Variants in PKHD1 observed in about 807,000 individuals in gnomAD.
The protein encoded by PKHD1 is PKHD1 ciliary IPT domain containing fibrocystin/polyductin.
In PKHD1, 291 loss-of-function variants were observed where a neutral mutation model predicts 412.0. The ratio of observed to expected loss-of-function variants is 0.71; its 90% CI spans 0.64 to 0.78. PKHD1 has a LOEUF of 0.78. PKHD1 is among the 30% of genes least tolerant of loss of function. PKHD1 has a pLI of 0.00. For synonymous variants in PKHD1, 1,777 were observed against 1,821.5 expected (o/e 0.98, Z 0.62); for missense variants, 4,825 against 4,950.7 (o/e 0.97, Z 0.76).
intron 62 of PKHD1, 82 bp downstream of exon 62, chr6:51,649,003 A>G (rs1286526162): frequency 4.5e-6 from 6 of 1,321,528 alleles, no homozygotes; most frequent in South Asian, 1.2e-5. Context: ...ATGTGTATCA[A>G]TGATGACACA....
chr6:51,656,083 G>A (rs1002337455), intron 61 of PKHD1, among the ~76,000 whole-genome samples: 3 of 152,054 alleles, frequency 2.0e-5, no homozygotes, highest in Non-Finnish European at 4.4e-5. Context: ...CAAAGACTTG[G>A]AACCAACCCA....
chr6:51,912,310 T>A (rs968517749), intron 38 of PKHD1, 56 bp downstream of exon 38: 9 of 1,088,948 alleles, frequency 8.3e-6, no homozygotes, highest in Non-Finnish European at 1.3e-5. Flanking sequence ...CAGACCCCAA[T>A]ACAGTTAAGA....
At chr6:52,068,939 A>C (rs927237508) in intron 11 of PKHD1, among the ~76,000 whole-genome samples, 1 of 152,218 alleles carries the variant, frequency 6.6e-6, no homozygotes, top group African/African-American at 2.4e-5. Context: ...ATTCCATTCT[A>C]GAATCTAAGT....
chr6:51,698,026 G>A (rs977875452), intron 60 of PKHD1, among the ~76,000 whole-genome samples: 1 of 152,158 alleles, frequency 6.6e-6, no homozygotes, highest in Admixed American at 6.5e-5. Flanking sequence ...CTTTCTTAAC[G>A]AATCAAGTCA....
At chr6:51,621,415 T>A (rs1766601886) in intron 66 of PKHD1, among the ~76,000 whole-genome samples, 1 of 152,188 alleles carries the variant, frequency 6.6e-6, no homozygotes. Flanking sequence ...TGAATTTTAA[T>A]CCCTTGGTAA....
chr6:51,737,788 A>G (rs1784046161), intron 60 of PKHD1, among the ~76,000 whole-genome samples: 1 of 151,900 alleles, frequency 6.6e-6, no homozygotes, highest in Admixed American at 6.6e-5. Flanking sequence ...ACATCTATTG[A>G]TTCAAAATCT....
chr6:51,704,464 CTG>C (rs759895666), intron 60 of PKHD1, among the ~76,000 whole-genome samples: 1 of 152,022 alleles, frequency 6.6e-6, no homozygotes, highest in Non-Finnish European at 1.5e-5. Context: ...TTTCTGTAGA[CTG>C]TGGAATTATA....
intron 35 of PKHD1, among the ~76,000 whole-genome samples, chr6:51,975,213 G>A (rs1395287911): frequency 1.3e-5 from 2 of 151,994 alleles, no homozygotes; most frequent in Non-Finnish European, 2.9e-5. Flanking sequence ...TTACTTAGGA[G>A]AAATATTAAT....
intron 31 of PKHD1, 59 bp from the exon 32 acceptor site, chr6:52,026,240 T>C (rs1188295827): frequency 2.7e-6 from 4 of 1,508,820 alleles, no homozygotes; most frequent in African/African-American, 1.4e-5. Flanking sequence ...TAAGAATTCA[T>C]AGCACCTGTG....
At chr6:51,738,277 T>C (rs1018452425) in intron 60 of PKHD1, among the ~76,000 whole-genome samples, 2 of 152,108 alleles carry the variant, frequency 1.3e-5, no homozygotes, top group Non-Finnish European at 2.9e-5. Flanking sequence ...CCACCTTTCT[T>C]AAAATCTCCC....
chr6:51,914,002 T>G (rs115749365), intron 37 of PKHD1, among the ~76,000 whole-genome samples: 2 of 152,262 alleles, frequency 1.3e-5, no homozygotes, highest in Non-Finnish European at 2.9e-5. Context: ...TATATGCATA[T>G]ATATGTGAAT....
chr6:51,857,738 C>T (rs1339926977), intron 48 of PKHD1, among the ~76,000 whole-genome samples: 9 of 152,170 alleles, frequency 5.9e-5, no homozygotes, highest in Admixed American at 2.6e-4. Context: ...TCAGGATATT[C>T]GGTCATTTAA....
chr6:51,867,511 G>A (rs1019566144), intron 48 of PKHD1, among the ~76,000 whole-genome samples: 2 of 152,082 alleles, frequency 1.3e-5, no homozygotes, highest in Admixed American at 6.6e-5. Flanking sequence ...GTATATAAAT[G>A]AGAATGGACA....
In PKHD1 at chr6:51,911,956, T is replaced by C; in HGVS notation, c.6333A>G (p.Arg2111=). Residue 2111 remains arginine, a splice_region_variant and synonymous_variant, in exon 39 of 67, where the codon AGA becomes AGG. Coordinates refer to ENST00000371117, the MANE Select transcript of PKHD1 (RefSeq NM_138694.4). The part of the protein sequence containing the change: ...DTDLYLKSPL[R]YSHNFTENWV... The stretch of plus-strand genomic sequence containing the variant: ...AATTCTCTGTAAAGTTGTGAGAATA[T>C]CTGGAGAAAAAAAGAGGATGATAGA... 6.2e-7 allele frequency: 1 copy of C among 1,608,582 alleles called. No homozygotes were observed. Among genetic ancestry groups the C allele is most frequent in the Non-Finnish European group, 8.5e-7 (1 of 1,177,114 alleles).
chr6:51,674,772 C>T (rs1399145451), intron 60 of PKHD1, among the ~76,000 whole-genome samples: 4 of 152,116 alleles, frequency 2.6e-5, no homozygotes, highest in Admixed American at 6.6e-5. Context: ...AAGTGTTTGA[C>T]GATTTGTCAA....
rs970427407 is a variant in PKHD1, at chr6:51,802,980, A to G, written c.8303-11607T>C. Among the ~76,000 whole-genome samples the G allele has an allele frequency of 4.8e-4, 72 of 150,266 alleles. 2 individuals are homozygous for G. The highest frequency in any genetic ancestry group is 1.6e-3 in the African/African-American group (65 of 40,384). On this transcript the variant is annotated intron_variant, in intron 52 of 66. Transcript: ENST00000371117. ...TATCCTATTTGTTTGTTAAATATACATATATTATATCAATTATAATTGATG... is the reference window on the plus strand; with the variant it reads ...TATCCTATTTGTTTGTTAAATATACGTATATTATATCAATTATAATTGATG...
At chr6:51,748,810 A>G in intron 57 of PKHD1, 145 bp from the exon 58 acceptor site, 2 of 743,692 alleles carry the variant, frequency 2.7e-6, no homozygotes, top group Non-Finnish European at 4.8e-6. Context: ...CACACCATAG[A>G]TTCTCAACTA....
At chr6:52,022,096 T>C (rs755399724) in intron 33 of PKHD1, among the ~76,000 whole-genome samples, 6 of 152,196 alleles carry the variant, frequency 3.9e-5, no homozygotes, top group Non-Finnish European at 8.8e-5. Flanking sequence ...TTGACTTTAT[T>C]TCCTGAAGCT....
rs76854888 is a variant in PKHD1 at position 52,024,301 on chromosome 6, A to T, written c.5236+273T>A. Among the ~76,000 whole-genome samples, 275 of 152,362 alleles carry T rather than the reference A, an allele frequency of 1.8e-3. 5 individuals carry two copies. In the East Asian group the frequency reaches 0.047, roughly 26 times the overall value. Reference sequence around the variant, plus strand: ...TGAGCTCTTACAAATGGTGTTATTTAATTTAAAATACAAATCCAGTTAATG... The same window carrying T: ...TGAGCTCTTACAAATGGTGTTATTTTATTTAAAATACAAATCCAGTTAATG... On this transcript the variant is annotated intron_variant, in intron 32 of 66. Coordinates refer to ENST00000371117, the MANE Select transcript of PKHD1 (RefSeq NM_138694.4).
Sources: allele counts gnomAD v4.1 joint callset (sites outside exome capture counted in the v4.1 genomes callset), GRCh38; gene constraint gnomAD v4.1.1; transcripts MANE v1.5; gene names NCBI Gene and HGNC (gene_info 2026-07-23, HGNC 2026-07-21).